Variants in SORBS2 observed in about 807,000 individuals in gnomAD.
The protein encoded by SORBS2 is sorbin and SH3 domain containing 2, also known as sorbin and SH3 domain-containing protein 2.
Under a neutral mutation model 97.7 loss-of-function variants are expected in SORBS2, and 46 were observed. That is an observed-to-expected ratio of 0.47 (90% CI 0.37 to 0.60). SORBS2 has a LOEUF of 0.60. Among genes scored for constraint, SORBS2 ranks in the 20% least tolerant of loss-of-function variants. The pLI is 0.00. For missense variants in SORBS2, 1,316 were observed against 1,282.3 expected, an observed-to-expected ratio of 1.03 and a Z score of -0.40; for synonymous variants, 476 against 473.4, an observed-to-expected ratio of 1.01 and a Z score of -0.07.
At chr4:185,924,697 C>G (rs2099262665) in intron 1 of SORBS2, among the ~76,000 whole-genome samples, 1 of 152,200 alleles carries the variant, frequency 6.6e-6, no homozygotes. Flanking sequence ...AAACCAATCC[C>G]CTGTGCCCTA....
At chr4:185,748,319 C>T (rs1255795061) in intron 2 of SORBS2, among the ~76,000 whole-genome samples, 2 of 152,108 alleles carry the variant, frequency 1.3e-5, no homozygotes, top group South Asian at 2.1e-4. Flanking sequence ...CCAGGAGCCC[C>T]GCGTATTCTT....
chr4:185,654,231 C>T (rs1214235042), intron 1 of SORBS2, among the ~76,000 whole-genome samples: 1 of 152,180 alleles, frequency 6.6e-6, no homozygotes, highest in African/African-American at 2.4e-5. Context: ...GAAGGGATTG[C>T]AGTGGTGAAG....
At position 185,623,331 on chromosome 4, in the gene SORBS2, T is replaced by G; in HGVS notation, c.1798A>C (p.Lys600Gln). ...ACAGGACTGACTAGAAAAGCAAGTT[T>G]AGAAAGGCCAGGGTCCATTTCTTGC... The change falls in exon 7 of 15, where the codon AAA (lysine) becomes CAA (glutamine). Residue 600 changes from lysine to glutamine, a missense_variant. Transcript: ENST00000418609. The surrounding 1 kb of genome is among the most constrained non-coding windows in gnomAD (Gnocchi z 6.4). 1 of 1,614,104 alleles carries G rather than the reference T, an allele frequency of 6.2e-7. No individual in the cohort carries two copies. The highest frequency in any genetic ancestry group is 8.5e-7 in the Non-Finnish European group (1 of 1,180,028).
intron 2 of SORBS2, among the ~76,000 whole-genome samples, chr4:185,711,811 C>T (rs1022040122): frequency 6.6e-6 from 1 of 152,234 alleles, no homozygotes; most frequent in Non-Finnish European, 1.5e-5. Context: ...TTTAAAAGGC[C>T]AGACTTGGTA....
chr4:185,671,284 CTG>C (rs2097708808), intron 4 of SORBS2, among the ~76,000 whole-genome samples: 1 of 152,170 alleles, frequency 6.6e-6, no homozygotes, highest in Non-Finnish European at 1.5e-5. Context: ...CTACTGTACT[CTG>C]TGGTATTCAG....
intron 2 of SORBS2, among the ~76,000 whole-genome samples, chr4:185,712,154 G>A (rs1276352405): frequency 6.6e-6 from 1 of 152,134 alleles, no homozygotes; most frequent in South Asian, 2.1e-4. Context: ...CCGCTAAAAT[G>A]TTGCCTTTCC....
intron 2 of SORBS2, among the ~76,000 whole-genome samples, chr4:185,738,514 C>A (rs1583792909): frequency 6.6e-6 from 1 of 152,272 alleles, no homozygotes; most frequent in East Asian, 1.9e-4. Flanking sequence ...CCAAGTATTT[C>A]ATAAAAAAAC....
rs75215782 is a variant in SORBS2 at position 185,705,554 on chromosome 4, A to T, written c.-197-26732T>A. The stretch of plus-strand genomic sequence containing the variant: ...AGCAAGACTCCATCTCAAAAAATAT[A>T]TATAAAATCAAAAATAAAAAAAAAT... On this transcript the variant is annotated intron_variant, in intron 2 of 20. Coordinates refer to the SORBS2 transcript ENST00000284776. 7.5e-3 allele frequency among the ~76,000 whole-genome samples: 1,142 copies of T among 152,266 alleles called. 14 individuals are homozygous for T. Among genetic ancestry groups the T allele is most frequent in the African/African-American group, 0.026 (1,089 of 41,554 alleles).
At chr4:185,703,208 C>T (rs2098291009) in intron 2 of SORBS2, among the ~76,000 whole-genome samples, 1 of 152,152 alleles carries the variant, frequency 6.6e-6, no homozygotes, top group Non-Finnish European at 1.5e-5. Context: ...TTGATCGTTC[C>T]TAAAATAGAA....
chr4:185,718,026 T>A (rs2098480427), intron 2 of SORBS2, among the ~76,000 whole-genome samples: 1 of 151,902 alleles, frequency 6.6e-6, no homozygotes. Context: ...AGGTCAGGAG[T>A]TCCAGAACAG....
intron 1 of SORBS2, among the ~76,000 whole-genome samples, chr4:185,788,134 G>A (rs969168690): frequency 7.2e-5 from 11 of 152,218 alleles, no homozygotes; most frequent in African/African-American, 2.7e-4. Context: ...TTCTGCCTGG[G>A]AGCAGCTTTG....
chr4:185,818,336 T>C (rs4861685), intron 1 of SORBS2, among the ~76,000 whole-genome samples: 140,247 of 151,978 alleles, frequency 0.92, 64,828 homozygotes, highest in East Asian at 1. Context: ...ATTACAGGTG[T>C]CCGCCACCAC....
chr4:185,834,079 A>G lies in SORBS2; in HGVS notation c.-337-58713T>C, dbSNP rs75114388. Among the ~76,000 whole-genome samples, 23 of 152,326 alleles carry G rather than the reference A, an allele frequency of 1.5e-4. No individual in the cohort carries two copies. In the East Asian group the frequency reaches 3.1e-3, roughly 20 times the overall value. ...TAAACAGCCTTCAAATGTATGCTTC[A>G]TAAGTAAACACAAAGTATAAAATAT... On this transcript the variant is annotated intron_variant, in intron 1 of 20. Transcript: ENST00000284776.
At chr4:185,701,775 C>CTTT (rs34491237) in intron 2 of SORBS2, among the ~76,000 whole-genome samples, 2 of 144,402 alleles carry the variant, frequency 1.4e-5, no homozygotes, top group African/African-American at 2.5e-5. Context: ...AAATTTCTTT[C>CTTT]TTTTTTTTTT....
chr4:185,802,499 G>C (rs887852600), intron 1 of SORBS2, among the ~76,000 whole-genome samples: 1 of 152,140 alleles, frequency 6.6e-6, no homozygotes, highest in African/African-American at 2.4e-5. Flanking sequence ...CGCTCTCCAC[G>C]TTCCCTATCA....
intron 4 of SORBS2, among the ~76,000 whole-genome samples, chr4:185,638,567 G>A (rs902943993): frequency 6.6e-6 from 1 of 152,062 alleles, no homozygotes; most frequent in Admixed American, 6.5e-5. Flanking sequence ...TCACTTCATC[G>A]TCCCTGCCCT....
At chr4:185,657,465 C>G (rs778612065), upstream of SORBS2, 18 of 1,564,952 alleles carry the variant, frequency 1.2e-5, no homozygotes, top group Non-Finnish European at 1.5e-5. Context: ...TCCACGGGCC[C>G]GATCCCTGGG....
intron 1 of SORBS2, among the ~76,000 whole-genome samples, chr4:185,776,985 A>G (rs953649294): frequency 2.0e-5 from 3 of 152,110 alleles, no homozygotes; most frequent in African/African-American, 4.8e-5. Context: ...TTCAAATTCA[A>G]TTCTTTCTTT....
chr4:185,689,290 A>G (rs1211574455), intron 2 of SORBS2, among the ~76,000 whole-genome samples: 1 of 152,168 alleles, frequency 6.6e-6, no homozygotes, highest in Non-Finnish European at 1.5e-5. Context: ...AGGAAATATC[A>G]CTTCCTCATG....
Sources: allele counts gnomAD v4.1 joint callset (sites outside exome capture counted in the v4.1 genomes callset), GRCh38; gene constraint gnomAD v4.1.1; non-coding constraint Gnocchi (gnomAD v3.1); transcripts MANE v1.5; gene names NCBI Gene and HGNC (gene_info 2026-07-23, HGNC 2026-07-21).